Variants in ADARB2 observed in about 807,000 individuals in gnomAD.
ADARB2 encodes the protein inactive double-stranded RNA-specific editase B2.
Under a neutral mutation model 62.2 loss-of-function variants are expected in ADARB2, and 25 were observed. The ratio of observed to expected loss-of-function variants is 0.40; its 90% CI spans 0.29 to 0.56. ADARB2 has a LOEUF of 0.56. Among genes scored for constraint, ADARB2 ranks in the 20% least tolerant of loss-of-function variants. ADARB2 has a pLI of 0.43. For synonymous variants in ADARB2, 572 were observed against 500.8 expected (o/e 1.14, Z -1.90); for missense variants, 1,071 against 1,077.4 (o/e 0.99, Z 0.08).
chr10:1,482,743 C>T (rs1831489436), intron 1 of ADARB2, among the ~76,000 whole-genome samples: 1 of 152,068 alleles, frequency 6.6e-6, no homozygotes, highest in African/African-American at 2.4e-5. Context: ...TTGTTGTCTG[C>T]ATTGGAATGC....
At chr10:1,369,091 C>A (rs10794743) in intron 2 of ADARB2, among the ~76,000 whole-genome samples, 126,318 of 152,168 alleles carry the variant, frequency 0.83, 56,539 homozygotes, top group Non-Finnish European at 0.98. Context: ...GCTTTAACGC[C>A]GACTTTACAA....
At chr10:1,387,725 G>A (rs1375359708) in intron 1 of ADARB2, among the ~76,000 whole-genome samples, 2 of 151,932 alleles carry the variant, frequency 1.3e-5, no homozygotes, top group African/African-American at 2.4e-5. Flanking sequence ...AAAATGGAAG[G>A]GGGTGGACTA....
intron 3 of ADARB2, among the ~76,000 whole-genome samples, chr10:1,350,803 G>A (rs1258789149): frequency 2.0e-5 from 3 of 151,848 alleles, no homozygotes; most frequent in Non-Finnish European, 2.9e-5. Context: ...ATTAAATTCC[G>A]GCCCTCAAAC....
chr10:1,595,940 C>T (rs1285119297), intron 1 of ADARB2, among the ~76,000 whole-genome samples: 2 of 152,226 alleles, frequency 1.3e-5, no homozygotes, highest in African/African-American at 4.8e-5. Context: ...TCGCTCATGC[C>T]TTCTGCACTC....
intron 6 of ADARB2, among the ~76,000 whole-genome samples, chr10:1,219,700 A>ATGGTGG (rs906046086): frequency 6.6e-6 from 1 of 151,880 alleles, no homozygotes; most frequent in Non-Finnish European, 1.5e-5. Flanking sequence ...AATGGAGGTA[A>ATGGTGG]TGGTGGTGGT....
At chr10:1,712,652 G>GC (rs1463109822) in intron 1 of ADARB2, among the ~76,000 whole-genome samples, 1 of 76 alleles carries the variant, frequency 0.013, no homozygotes, top group African/African-American at 0.045. Context: ...TGTCCCCCAG[G>GC]GAAGGAGGGC....
chr10:1,242,852 C>A (rs1236906467), intron 4 of ADARB2, among the ~76,000 whole-genome samples: 1 of 152,146 alleles, frequency 6.6e-6, no homozygotes, highest in Non-Finnish European at 1.5e-5. Context: ...GTCAAAGGAA[C>A]CCCATCCACA....
intron 1 of ADARB2, among the ~76,000 whole-genome samples, chr10:1,503,352 A>ATTT (rs532165381): frequency 7.1e-6 from 1 of 139,890 alleles, no homozygotes. Context: ...ATACCCAGCT[A>ATTT]TTTTTTTTTT....
chr10:1,272,377 G>T (rs1415645731), intron 3 of ADARB2, among the ~76,000 whole-genome samples: 3 of 152,212 alleles, frequency 2.0e-5, no homozygotes, highest in African/African-American at 7.2e-5. Context: ...AAGATAGACA[G>T]TTTTTAAAAA....
intron 3 of ADARB2, among the ~76,000 whole-genome samples, chr10:1,303,689 A>C (rs1267786847): frequency 1.3e-5 from 2 of 152,200 alleles, no homozygotes; most frequent in African/African-American, 4.8e-5. Context: ...CTCGGCAGAA[A>C]CCCTACAAGC....
intron 3 of ADARB2, among the ~76,000 whole-genome samples, chr10:1,293,340 AGGGAGAAAGAGAAGG>A (rs1231037292): frequency 9.0e-5 from 12 of 132,652 alleles, no homozygotes; most frequent in Non-Finnish European, 2.0e-4. Context: ...GAGGGCAGAG[AGGGAGAAAGAGAAGG>A]GAGGGAGGAA....
chr10:1,596,964 G>A (rs1003673230), intron 1 of ADARB2, among the ~76,000 whole-genome samples: 18 of 152,142 alleles, frequency 1.2e-4, no homozygotes, highest in Non-Finnish European at 8.8e-5. Context: ...TTCTCTCCAC[G>A]GTGGGTGGCA....
chr10:1,652,645 G>T (rs960887122), intron 1 of ADARB2, among the ~76,000 whole-genome samples: 2 of 152,174 alleles, frequency 1.3e-5, no homozygotes, highest in Non-Finnish European at 2.9e-5. Flanking sequence ...GTAGCATATT[G>T]TTGTTCTTGG....
chr10:1,198,625 G>A (rs1836941921), intron 8 of ADARB2, among the ~76,000 whole-genome samples: 1 of 152,252 alleles, frequency 6.6e-6, no homozygotes, highest in Non-Finnish European at 1.5e-5. Flanking sequence ...CCGTGGTGTG[G>A]CAGGTGCCAC....
intron 4 of ADARB2, among the ~76,000 whole-genome samples, chr10:1,269,400 G>C (rs185331295): frequency 1.3e-5 from 2 of 152,264 alleles, no homozygotes; most frequent in African/African-American, 4.8e-5. Flanking sequence ...TGTATGCCAG[G>C]CACTGACTAA....
intron 1 of ADARB2, among the ~76,000 whole-genome samples, chr10:1,600,407 T>C (rs547296312): frequency 6.6e-6 from 1 of 152,102 alleles, no homozygotes; most frequent in Admixed American, 6.6e-5. Context: ...ACGCCTATAA[T>C]CCCAACACTT....
intron 1 of ADARB2, among the ~76,000 whole-genome samples, chr10:1,698,881 C>T (rs1416001599): frequency 2.0e-5 from 3 of 152,212 alleles, no homozygotes; most frequent in Non-Finnish European, 4.4e-5. Context: ...CTGCCTCAGC[C>T]TCCTGAGTAG....
At chr10:1,196,473 A>G (rs1205571037) in intron 8 of ADARB2, among the ~76,000 whole-genome samples, 1 of 152,156 alleles carries the variant, frequency 6.6e-6, no homozygotes, top group African/African-American at 2.4e-5. Flanking sequence ...TAATGATACA[A>G]TTCTCAGGAG....
At chr10:1,186,388 C>T in intron 8 of ADARB2, 1 of 459,334 alleles carries the variant, frequency 2.2e-6, no homozygotes, top group African/African-American at 2.0e-5. Flanking sequence ...GGCAGGGAGT[C>T]CAGGCTCCCA....
Sources: allele counts gnomAD v4.1 joint callset (sites outside exome capture counted in the v4.1 genomes callset), GRCh38; gene constraint gnomAD v4.1.1; transcripts MANE v1.5; gene names NCBI Gene and HGNC (gene_info 2026-07-23, HGNC 2026-07-21).